The following RASGRF2 variants were observed in gnomAD, a reference collection of about 807,000 sequenced individuals.
RASGRF2 encodes the protein ras-specific guanine nucleotide-releasing factor 2.
Under a neutral mutation model 151.0 loss-of-function variants are expected in RASGRF2, and 76 were observed. The ratio of observed to expected loss-of-function variants is 0.50; its 90% CI spans 0.42 to 0.61. The LOEUF (loss-of-function observed/expected upper bound fraction) is 0.61. Among genes scored for constraint, RASGRF2 ranks in the 20% least tolerant of loss-of-function variants. The pLI, the probability that RASGRF2 is intolerant of heterozygous loss-of-function variation, is 0.00. For missense variants in RASGRF2, 1,148 were observed against 1,564.6 expected (o/e 0.73, Z 4.49); for synonymous variants, 504 against 566.5 (o/e 0.89, Z 1.57).
chr5:81,042,948 T>A lies in RASGRF2; in HGVS notation c.360T>A (p.Asp120Glu). 1 of 1,612,754 alleles carries A rather than the reference T, an allele frequency of 6.2e-7. No individual in the cohort carries two copies. ...AGCTGCGCTGTGAGGAGGAGCAGGA[T>A]GGTAAAGAGTGGATGGAGGCCATTC... ...PLELRCEEEQ[D>E]GKEWMEAIHQ... is the part of the protein sequence containing the mutation. The change falls in exon 2 of 27, where the codon GAT becomes GAA. Residue 120 changes from aspartate (D) to glutamate (E), a missense_variant. Physicochemically the swap from Asp to Glu is conservative, Grantham distance 45 (BLOSUM62 2). Around this residue, in one of 5 missense-constraint regions of RASGRF2, gnomAD observed 221 missense variants for 271.3 expected, o/e 0.81. Transcript: ENST00000265080.
At chr5:81,026,008 TTCCTTCCCTCCTTCCTTCCA>T (rs56166927) in intron 1 of RASGRF2, among the ~76,000 whole-genome samples, 21,196 of 120,644 alleles carry the variant, frequency 0.18, 1,926 homozygotes, top group Admixed American at 0.22. Flanking sequence ...CCTTCCTTTC[TTCCTTCCCTCCTTCCTTCCA>T]TCCTTCCCTC....
At chr5:81,128,314 A>G (rs1000828617) in intron 17 of RASGRF2, among the ~76,000 whole-genome samples, 1 of 152,230 alleles carries the variant, frequency 6.6e-6, no homozygotes, top group Admixed American at 6.5e-5. Context: ...TAAGTGAGGT[A>G]ACAGATGTTA....
chr5:81,219,297 T>G (rs1481531040), intron 25 of RASGRF2, among the ~76,000 whole-genome samples: 4 of 152,044 alleles, frequency 2.6e-5, no homozygotes, highest in Non-Finnish European at 5.9e-5. Flanking sequence ...GCCAGGCTGG[T>G]CTCAAACTCC....
chr5:81,034,659 T>C (rs1750401811), intron 1 of RASGRF2, among the ~76,000 whole-genome samples: 1 of 151,402 alleles, frequency 6.6e-6, no homozygotes, highest in African/African-American at 2.4e-5. Flanking sequence ...GGGACATGGA[T>C]GAAATTGGAA....
At chr5:81,101,243 T>G (rs1752689955) in intron 12 of RASGRF2, among the ~76,000 whole-genome samples, 1 of 152,254 alleles carries the variant, frequency 6.6e-6, no homozygotes. Flanking sequence ...AGGCACCACT[T>G]CTTCCCAACA....
At chr5:81,198,630 G>A (rs984453073) in intron 18 of RASGRF2, among the ~76,000 whole-genome samples, 2 of 151,922 alleles carry the variant, frequency 1.3e-5, no homozygotes, top group African/African-American at 4.8e-5. Context: ...TAGTAGAGAC[G>A]GGGTTTCACC....
At chr5:81,053,866 C>CT (rs1480703536) in intron 2 of RASGRF2, among the ~76,000 whole-genome samples, 1 of 152,350 alleles carries the variant, frequency 6.6e-6, no homozygotes, top group East Asian at 1.9e-4. Flanking sequence ...TTGCATTTCT[C>CT]TGACGGCCAG....
intron 12 of RASGRF2, among the ~76,000 whole-genome samples, chr5:81,101,493 A>C (rs1752696088): frequency 6.6e-6 from 1 of 151,152 alleles, no homozygotes; most frequent in Non-Finnish European, 1.5e-5. Flanking sequence ...TTTTTTTCAC[A>C]CTCCTGTTTG....
chr5:81,004,467 G>C (rs1166625867), intron 1 of RASGRF2, among the ~76,000 whole-genome samples: 1 of 152,210 alleles, frequency 6.6e-6, no homozygotes, highest in East Asian at 1.9e-4. Flanking sequence ...GGCTTGCAAA[G>C]AGGCTGTGTT....
chr5:81,217,567 TTCTC>T (rs1755766863), intron 25 of RASGRF2, 94 bp downstream of exon 25: 2 of 832,436 alleles, frequency 2.4e-6, no homozygotes, highest in Non-Finnish European at 3.3e-6. Flanking sequence ...CTTTTTTTTT[TTCTC>T]TTCTTTTTTT....
At chr5:81,105,957 C>T (rs1752834296) in intron 12 of RASGRF2, among the ~76,000 whole-genome samples, 1 of 152,182 alleles carries the variant, frequency 6.6e-6, no homozygotes, top group Non-Finnish European at 1.5e-5. Flanking sequence ...CCTCATTTCC[C>T]AGTACTTAGC....
At chr5:81,008,139 CTTTTTTT>C (rs58105434) in intron 1 of RASGRF2, among the ~76,000 whole-genome samples, 25 of 85,414 alleles carry the variant, frequency 2.9e-4, no homozygotes, top group Middle Eastern at 9.1e-3. Flanking sequence ...TCTTTCTTTC[CTTTTTTT>C]TTTTTTTTTT....
chr5:81,080,853 G>A (rs1016073554), intron 7 of RASGRF2, 64 bp downstream of exon 7: 8 of 1,443,834 alleles, frequency 5.5e-6, no homozygotes, highest in South Asian at 3.8e-5. Context: ...GATACCTAGC[G>A]TGACCAGCGT....
intron 18 of RASGRF2, among the ~76,000 whole-genome samples, chr5:81,184,600 G>A (rs985926563): frequency 2.6e-5 from 4 of 152,170 alleles, no homozygotes; most frequent in Admixed American, 6.5e-5. Flanking sequence ...CAGGCTCTGG[G>A]TACTGTCTGA....
chr5:81,101,752 A>G (rs150239163), intron 12 of RASGRF2, among the ~76,000 whole-genome samples: 1 of 152,286 alleles, frequency 6.6e-6, no homozygotes, highest in East Asian at 1.9e-4. Flanking sequence ...ACTTCATTAT[A>G]TGGCCTTTTG....
intron 17 of RASGRF2, among the ~76,000 whole-genome samples, chr5:81,136,344 T>A (rs953341539): frequency 6.6e-6 from 1 of 152,204 alleles, no homozygotes; most frequent in Non-Finnish European, 1.5e-5. Context: ...AATGAATTCC[T>A]CCAGTTTTTA....
At chr5:81,024,207 C>G (rs503102) in intron 1 of RASGRF2, among the ~76,000 whole-genome samples, 92,061 of 147,742 alleles carry the variant, frequency 0.62, 29,084 homozygotes, top group Middle Eastern at 0.79. Context: ...TGGTAAAATT[C>G]TGCTGAAAAT....
At chr5:81,061,780 G>T (rs570536412) in intron 2 of RASGRF2, among the ~76,000 whole-genome samples, 14 of 151,834 alleles carry the variant, frequency 9.2e-5, no homozygotes, top group Admixed American at 7.9e-4. Context: ...TTGATCTCCC[G>T]GGCTCAAGTT....
chr5:81,101,094 C>CT lies in RASGRF2; in HGVS notation c.1755+6103dup, dbSNP rs1216662679. On this transcript the variant is annotated intron_variant, in intron 12 of 26. Transcript: ENST00000265080. ...GCCGTTACAAACTGAACTAGACTAT[C>CT]TATGATCTAGGAATCTAATTTTGTT... Among the ~76,000 whole-genome samples, 8 of 152,282 alleles carry CT rather than the reference C, an allele frequency of 5.3e-5. No individual in the cohort carries two copies. In the East Asian group the frequency reaches 1.5e-3, roughly 29 times the overall value.
Sources: allele counts gnomAD v4.1 joint callset (sites outside exome capture counted in the v4.1 genomes callset), GRCh38; gene constraint gnomAD v4.1.1; regional missense constraint gnomAD v4.1.1; transcripts MANE v1.5; gene names NCBI Gene and HGNC (gene_info 2026-07-23, HGNC 2026-07-21).